N4BP1: variants seen among roughly 807,000 people sequenced by gnomAD.
N4BP1 encodes NEDD4-binding protein 1.
A neutral mutation model predicts 70.9 loss-of-function variants in N4BP1; 21 were observed. The observed-to-expected ratio is 0.30, with a 90% CI of 0.21 to 0.43. The LOEUF (loss-of-function observed/expected upper bound fraction) is 0.43. N4BP1 is among the 20% of genes least tolerant of loss of function. The probability of loss-of-function intolerance (pLI) is 1.00; values close to 1 mark genes in which losing one functional copy is unlikely to be tolerated. For missense variants in N4BP1, 936 were observed against 1,069.4 expected, an observed-to-expected ratio of 0.88 and a Z score of 1.74; for synonymous variants, 387 against 394.6, an observed-to-expected ratio of 0.98 and a Z score of 0.23.
intron 1 of N4BP1, among the ~76,000 whole-genome samples, chr16:48,594,030 C>A (rs528948923): frequency 2.9e-4 from 39 of 136,022 alleles, no homozygotes; most frequent in Admixed American, 5.8e-4. Flanking sequence ...AAAAAAAAAA[C>A]CACCTAGCTT....
intron 2 of N4BP1, among the ~76,000 whole-genome samples, chr16:48,554,405 T>C (rs181103209): frequency 5.3e-5 from 8 of 152,264 alleles, no homozygotes; most frequent in African/African-American, 4.8e-5. Context: ...ATCCTTGGTA[T>C]AGAGGATTAA....
rs1453220663 is a variant in N4BP1 at position 48,562,314 on chromosome 16, A to G, written c.329T>C (p.Leu110Pro). Reference sequence around the variant, plus strand: ...AAGAAGGCCAATGTCCAGAATGCAGAGGTCAGCACAAGTATCCTGAATCAA... The same window carrying G: ...AAGAAGGCCAATGTCCAGAATGCAGGGGTCAGCACAAGTATCCTGAATCAA... ...KSLIQDTCAD[L>P]CILDIGLLGI... The change falls in exon 2 of 7, where the codon CTC becomes CCC. Residue 110 changes from leucine to proline, a missense_variant. Physicochemically the swap from Leu to Pro is moderately conservative, Grantham distance 98 (BLOSUM62 -3). Transcript: ENST00000262384. The G allele has an allele frequency of 6.2e-7, 1 of 1,613,960 alleles. No individual in the cohort carries two copies.
intron 1 of N4BP1, among the ~76,000 whole-genome samples, chr16:48,585,033 G>C (rs1195667554): frequency 2.6e-5 from 4 of 152,098 alleles, no homozygotes; most frequent in Non-Finnish European, 4.4e-5. Flanking sequence ...CTGGGTTAAA[G>C]TGATTCTCCT....
rs1033762762 is a variant in N4BP1 at position 48,542,126 on chromosome 16, G to A, written c.*778C>T. 10 of 152,350 alleles carry A rather than the reference G, an allele frequency of 6.6e-5. No individual in the cohort carries two copies. The highest frequency in any genetic ancestry group is 1.9e-4 in the East Asian group (1 of 5,192). The allele number at this position is 152,350 out of a possible 1,614,324, so 9.4% of individuals were successfully genotyped here. On this transcript the variant is annotated 3_prime_UTR_variant, in exon 7 of 7. Transcript: ENST00000262384. ...GTGGGCGTGTCAAGCCCTGGCTGGG[G>A]AGCCTGCTGCCTGCCCGGCCACTCC...
At chr16:48,600,913 A>C (rs994431928) in intron 1 of N4BP1, among the ~76,000 whole-genome samples, 10 of 152,256 alleles carry the variant, frequency 6.6e-5, no homozygotes, top group African/African-American at 1.9e-4. Context: ...GGTTATGCCA[A>C]TTGGATAATG....
At chr16:48,552,857 G>A (rs750569028) in intron 3 of N4BP1, among the ~76,000 whole-genome samples, 4 of 151,934 alleles carry the variant, frequency 2.6e-5, no homozygotes, top group Admixed American at 6.6e-5. Flanking sequence ...GAATACTTGG[G>A]AACTGTGTGG....
chr16:48,553,458 A>G, intron 3 of N4BP1, 81 bp downstream of exon 3: 1 of 1,401,230 alleles, frequency 7.1e-7, no homozygotes, highest in Non-Finnish European at 9.4e-7. Context: ...ACACAGCTCT[A>G]TTCTAAATAG....
At position 48,562,206 on chromosome 16, in the gene N4BP1, T is replaced by G; in HGVS notation, c.437A>C (p.Asn146Thr). Residue 146 changes from asparagine to threonine, a missense_variant, in exon 2 of 7, where the codon AAC becomes ACC. Asn to Thr is a moderately conservative substitution (Grantham distance 65). Around this residue, in one of 4 missense-constraint regions of N4BP1, gnomAD observed 187 missense variants for 217.1 expected, o/e 0.86. Transcript: ENST00000262384. ...TGATTCTTTCTGACTACTGGGTAGG[T>G]TCTCTTTATTTTCAAAGAGCTTTAC... ...QFVKLFENKENLPSSQKESEV... is the reference protein window; with the variant it reads ...QFVKLFENKETLPSSQKESEV... The G allele has an allele frequency of 6.2e-7, 1 of 1,613,940 alleles. No individual in the cohort carries two copies.
At chr16:48,593,656 A>G (rs571253195) in intron 1 of N4BP1, among the ~76,000 whole-genome samples, 60 of 152,374 alleles carry the variant, frequency 3.9e-4, no homozygotes, top group African/African-American at 1.3e-3. Flanking sequence ...TAAAAGGTTT[A>G]TAAGAATCTT....
At chr16:48,552,131 A>G (rs1406149114) in intron 3 of N4BP1, among the ~76,000 whole-genome samples, 2 of 152,144 alleles carry the variant, frequency 1.3e-5, no homozygotes, top group East Asian at 3.9e-4. Context: ...GGAGGGGCAA[A>G]TGGTTCTACC....
intron 5 of N4BP1, among the ~76,000 whole-genome samples, chr16:48,547,190 C>G (rs1319075206): frequency 2.6e-5 from 4 of 152,168 alleles, no homozygotes; most frequent in Non-Finnish European, 4.4e-5. Context: ...TCTAGTTATG[C>G]TAACTATATT....
chr16:48,569,864 G>C (rs1453572127), intron 1 of N4BP1, among the ~76,000 whole-genome samples: 1 of 152,078 alleles, frequency 6.6e-6, no homozygotes, highest in Non-Finnish European at 1.5e-5. Context: ...GAACAACTTC[G>C]TGGCTCACTT....
chr16:48,549,461 T>C (rs558387587), intron 4 of N4BP1, among the ~76,000 whole-genome samples: 1 of 152,342 alleles, frequency 6.6e-6, no homozygotes, highest in Non-Finnish European at 1.5e-5. Flanking sequence ...TTAGTCTGCA[T>C]ACTTGTACGT....
intron 1 of N4BP1, chr16:48,578,101 C>G (rs1008973738): frequency 1.2e-5 from 2 of 160,018 alleles, no homozygotes; most frequent in African/African-American, 4.8e-5. Flanking sequence ...CTTGAGAGAG[C>G]CCCCAGTTAA....
At chr16:48,583,766 T>C (rs1253943715) in intron 1 of N4BP1, among the ~76,000 whole-genome samples, 1 of 152,216 alleles carries the variant, frequency 6.6e-6, no homozygotes, top group Non-Finnish European at 1.5e-5. Flanking sequence ...TGTCTGAAAG[T>C]CATGCTTACA....
rs186599881 is a variant in N4BP1 at position 48,540,072 on chromosome 16, T to C, written c.*2832A>G. 25 of 152,396 alleles carry C rather than the reference T, an allele frequency of 1.6e-4. No individual in the cohort carries two copies. Among genetic ancestry groups the C allele is most frequent in the African/African-American group, 5.5e-4 (23 of 41,552 alleles). 9.4% of individuals were successfully genotyped at this position (152,396 alleles called of 1,614,324 possible). A position where few individuals can be genotyped will look rare whatever the true frequency, so the allele number is the denominator to read the frequency against. ...CTGTTTCAATCTAAAACATCCAAGA[T>C]AAGTGGAAACACTGGGGAGGAAGGT... On this transcript the variant is annotated 3_prime_UTR_variant, in exon 7 of 7. Transcript: ENST00000262384.
At chr16:48,577,589 G>A in intron 1 of N4BP1, 1 of 214,436 alleles carries the variant, frequency 4.7e-6, no homozygotes, top group Non-Finnish European at 9.8e-6. Flanking sequence ...GTCTTGACGA[G>A]GTGGTCAGTG....
chr16:48,581,894 G>C (rs376899181), intron 1 of N4BP1, among the ~76,000 whole-genome samples: 2 of 151,872 alleles, frequency 1.3e-5, no homozygotes, highest in South Asian at 2.1e-4. Context: ...CATTGGTCTG[G>C]ACAATGATTT....
chr16:48,544,306 TA>T (rs1963558936), intron 6 of N4BP1, among the ~76,000 whole-genome samples: 1 of 152,098 alleles, frequency 6.6e-6, no homozygotes, highest in Non-Finnish European at 1.5e-5. Context: ...GACCACCATG[TA>T]AAAAAAGAAA....
Sources: gnomAD v4.1 joint callset for allele counts (sites outside exome capture counted in the v4.1 genomes callset) on GRCh38, gnomAD v4.1.1 for gene constraint, gnomAD v4.1.1 regional missense constraint, MANE v1.5 for transcripts, NCBI Gene and HGNC (gene_info 2026-07-23, HGNC 2026-07-21) for gene names.